The following HECTD4 variants were observed in gnomAD, a reference collection of about 807,000 sequenced individuals.
The protein encoded by HECTD4 is HECT domain E3 ubiquitin protein ligase 4.
A neutral mutation model predicts 471.5 loss-of-function variants in HECTD4; 114 were observed. That is an observed-to-expected ratio of 0.24 (90% CI 0.21 to 0.28). HECTD4 has a LOEUF of 0.28. HECTD4 is among the 10% of genes least tolerant of loss of function. HECTD4 has a pLI of 1.00. For missense variants in HECTD4, 3,866 were observed against 5,651.5 expected (o/e 0.68, Z 10.13); for synonymous variants, 2,012 against 2,256.0 (o/e 0.89, Z 3.07).
At chr12:112,172,048 C>A (rs1423964887) in intron 67 of HECTD4, among the ~76,000 whole-genome samples, 1 of 152,168 alleles carries the variant, frequency 6.6e-6, no homozygotes, top group African/African-American at 2.4e-5. Context: ...GGATTACAGG[C>A]ATGCGCCACC....
At chr12:112,342,529 A>G in intron 1 of HECTD4, among the ~76,000 whole-genome samples, 1 of 152,224 alleles carries the variant, frequency 6.6e-6, no homozygotes, top group East Asian at 1.9e-4. Flanking sequence ...TTTGGAACCT[A>G]TAACTTCAAA....
intron 59 of HECTD4, among the ~76,000 whole-genome samples, chr12:112,191,200 G>C (rs1247941119): frequency 6.6e-6 from 1 of 152,184 alleles, no homozygotes; most frequent in Admixed American, 6.5e-5. Flanking sequence ...TTTGGCAAAT[G>C]GGACAAAGAA....
chr12:112,238,582 T>A (rs2033568535), intron 34 of HECTD4, among the ~76,000 whole-genome samples: 1 of 152,024 alleles, frequency 6.6e-6, no homozygotes, highest in Admixed American at 6.6e-5. Context: ...ACAAAAAACC[T>A]TAGCTAGGCA....
chr12:112,211,577 G>A (rs1363127718), intron 49 of HECTD4, among the ~76,000 whole-genome samples: 2 of 152,050 alleles, frequency 1.3e-5, no homozygotes, highest in Non-Finnish European at 2.9e-5. Flanking sequence ...AATGGGGACT[G>A]GGAGAGGAGT....
Position 112,207,769 on chromosome 12 carries a change from G to A in HECTD4, c.8131+105C>T, listed in dbSNP as rs1048443033. ...TAAGGTCAAAGACACTGTTAAGTAT[G>A]GTGCAACATTAGATGAGTCTCTCCT... On this transcript the variant is annotated intron_variant, in intron 52 of 75. Coordinates refer to ENST00000682272, the MANE Select transcript of HECTD4 (RefSeq NM_001388303.1). 12 of 1,280,252 alleles carry A rather than the reference G, an allele frequency of 9.4e-6. No individual in the cohort carries two copies. In the African/African-American group the frequency reaches 1.6e-4, roughly 17 times the overall value. The allele number at this position is 1,280,252 out of a possible 1,614,324, so 79.3% of individuals were successfully genotyped here.
intron 1 of HECTD4, among the ~76,000 whole-genome samples, chr12:112,374,023 A>AAAAAT (rs2036733269): frequency 6.7e-6 from 1 of 150,096 alleles, no homozygotes; most frequent in African/African-American, 2.5e-5. Context: ...AAAAAAAAAA[A>AAAAAT]GTAACTAGTG....
In HECTD4 at chr12:112,236,959, G is replaced by C; in HGVS notation, c.5430C>G (p.Leu1810=). 2 of 1,611,226 alleles carry C rather than the reference G, an allele frequency of 1.2e-6. No homozygotes were observed. The highest frequency in any genetic ancestry group is 8.5e-7 in the Non-Finnish European group (1 of 1,178,678). Residue 1810 remains leucine, a synonymous_variant, in exon 35 of 76, where the codon CTC becomes CTG. Transcript: ENST00000682272. ...ACCTTGCATACCTTGAGAGATCATTGAGAAGACTAAGGACATCCTGGAGCG... is the reference window on the plus strand; with the variant it reads ...ACCTTGCATACCTTGAGAGATCATTCAGAAGACTAAGGACATCCTGGAGCG... ...NDALQDVLSL[L]NDLSRSHIGK...
intron 7 of HECTD4, among the ~76,000 whole-genome samples, chr12:112,294,202 T>G (rs2034956058): frequency 6.6e-6 from 1 of 152,222 alleles, no homozygotes; most frequent in Non-Finnish European, 1.5e-5. Context: ...AGTGAGCACT[T>G]ATCAATACTC....
Position 112,356,266 on chromosome 12 carries a change from G to C in HECTD4, c.177+25686C>G, listed in dbSNP as rs564158355. ...ATCAAATGATTGCTAAAAATAAAGG[G>C]GATATTGTAAATGGCATAAATTGCA... On this transcript the variant is annotated intron_variant, in intron 1 of 75. Transcript: ENST00000682272. Among the ~76,000 whole-genome samples, 3 of 152,100 alleles carry C rather than the reference G, an allele frequency of 2.0e-5. No individual in the cohort carries two copies. The South Asian group carries it at 6.2e-4, about 32-fold the overall frequency.
At chr12:112,330,999 G>A (rs186743481) in intron 1 of HECTD4, among the ~76,000 whole-genome samples, 22 of 152,208 alleles carry the variant, frequency 1.4e-4, no homozygotes, top group Non-Finnish European at 2.6e-4. Context: ...AGTTGGTCCC[G>A]CCCCGGTCTG....
intron 7 of HECTD4, among the ~76,000 whole-genome samples, chr12:112,292,788 C>T (rs1322479913): frequency 3.3e-5 from 5 of 152,044 alleles, no homozygotes; most frequent in African/African-American, 4.8e-5. Context: ...TTTGGGAGAC[C>T]GAGGTGGACA....
chr12:112,261,187 C>T, intron 18 of HECTD4, 118 bp downstream of exon 18: 1 of 1,148,712 alleles, frequency 8.7e-7, no homozygotes, highest in South Asian at 2.4e-5. Flanking sequence ...TTAGCCTATT[C>T]TCACAAAAAT....
At chr12:112,209,267 T>C (rs1337509210) in intron 50 of HECTD4, among the ~76,000 whole-genome samples, 1 of 152,178 alleles carries the variant, frequency 6.6e-6, no homozygotes, top group African/African-American at 2.4e-5. Flanking sequence ...GCAGACATCC[T>C]TACTTTGGTG....
chr12:112,259,188 T>A lies in HECTD4; in HGVS notation c.2951A>T (p.His984Leu). Residue 984 changes from histidine to leucine, a missense_variant, in exon 19 of 76, where the codon CAT becomes CTT. Coordinates refer to ENST00000682272, the MANE Select transcript of HECTD4 (RefSeq NM_001388303.1). ...CATGATCAGAGTCTGTAAATTTGGA[T>A]GCATCAAGGAGGTCAGTAACACTGG... ...LLPVLLTSLM[H>L]PNLQTLIMAD... 6.2e-7 allele frequency: 1 copy of A among 1,613,928 alleles called. No homozygotes were observed. Among genetic ancestry groups the A allele is most frequent in the South Asian group, 1.1e-5 (1 of 91,068 alleles).
At chr12:112,317,681 T>G (rs547223392) in intron 2 of HECTD4, among the ~76,000 whole-genome samples, 1 of 152,224 alleles carries the variant, frequency 6.6e-6, no homozygotes, top group South Asian at 2.1e-4. Context: ...ATAAAATTCC[T>G]AGAAAAGCAA....
intron 1 of HECTD4, among the ~76,000 whole-genome samples, chr12:112,324,041 C>CTTTCTTTCTTT (rs1566112078): frequency 1.1e-4 from 2 of 17,594 alleles, no homozygotes; most frequent in Non-Finnish European, 1.0e-4. Flanking sequence ...TTCCTTCCTT[C>CTTTCTTTCTTT]CTTCCTTTCT....
rs969894556 is a variant in HECTD4, at chr12:112,173,644, T to A, written c.11595-783A>T. Among the ~76,000 whole-genome samples, 1 of 152,110 alleles carries A rather than the reference T, an allele frequency of 6.6e-6. No individual in the cohort carries two copies. The highest frequency in any genetic ancestry group is 6.6e-5 in the Admixed American group (1 of 15,260). On this transcript the variant is annotated intron_variant, in intron 66 of 75. Transcript: ENST00000682272. The surrounding 1 kb of genome is among the most constrained non-coding windows in gnomAD (Gnocchi z 4.3). ...CTCCTGACCTTGTGATCCGCCCGCC[T>A]CAGCCTCCCAAAGTGCTGCGATTAC...
chr12:112,269,652 T>C, intron 13 of HECTD4, 52 bp downstream of exon 13: 1 of 1,596,304 alleles, frequency 6.3e-7, no homozygotes, highest in Non-Finnish European at 8.6e-7. Context: ...TTACAATGCC[T>C]TGCAGAAGAA....
In HECTD4 at chr12:112,279,349, C is replaced by A; in HGVS notation, c.1566G>T (p.Arg522=). The A allele has an allele frequency of 1.9e-6, 3 of 1,606,268 alleles. No homozygotes were observed. In the South Asian group the frequency reaches 3.4e-5, roughly 18 times the overall value. Residue 522 remains arginine (R), a synonymous_variant, in exon 9 of 76, where the codon CGG becomes CGT. Coordinates refer to ENST00000682272, the MANE Select transcript of HECTD4 (RefSeq NM_001388303.1). The part of the protein sequence containing the change: ...TSCGLPLKML[R]KTPIYTCGTY... The stretch of plus-strand genomic sequence containing the variant: ...TGCCACAGGTATATATGGGTGTCTT[C>A]CGCAGCATTTTTAGAGGCAGCCCAC...
Sources: allele counts gnomAD v4.1 joint callset (sites outside exome capture counted in the v4.1 genomes callset), GRCh38; gene constraint gnomAD v4.1.1; non-coding constraint Gnocchi (gnomAD v3.1); transcripts MANE v1.5; gene names NCBI Gene and HGNC (gene_info 2026-07-23, HGNC 2026-07-21).